MMAB: variants seen among roughly 807,000 people sequenced by gnomAD.
MMAB encodes the protein metabolism of cobalamin associated B.
Under a neutral mutation model 30.6 loss-of-function variants are expected in MMAB, and 17 were observed. The ratio of observed to expected loss-of-function variants is 0.56; its 90% CI spans 0.38 to 0.83. The LOEUF (loss-of-function observed/expected upper bound fraction) is 0.83, where lower values mean the gene tolerates loss of function less well. Among genes scored for constraint, MMAB ranks in the 40% least tolerant of loss-of-function variants. MMAB has a pLI of 0.00. For synonymous variants in MMAB, 134 were observed against 138.6 expected, an observed-to-expected ratio of 0.97 and a Z score of 0.23; for missense variants, 311 against 331.6, an observed-to-expected ratio of 0.94 and a Z score of 0.48.
At chr12:109,559,197 C>A in intron 7 of MMAB, 42 bp from the exon 8 acceptor site, 1 of 1,459,458 alleles carries the variant, frequency 6.9e-7, no homozygotes, top group Non-Finnish European at 9.6e-7. Context: ...CATTATGGGG[C>A]TCAACAGGCT....
rs577697260 is a variant in MMAB at position 109,557,239 on chromosome 12, C to T, written c.645-103G>A. 4.5e-4 allele frequency: 373 copies of T among 838,008 alleles called. 1 individual carries two copies. In the African/African-American group the frequency reaches 5.2e-3, roughly 12 times the overall value. 51.9% of individuals were successfully genotyped at this position (838,008 alleles called of 1,614,324 possible). A position where few individuals can be genotyped will look rare whatever the true frequency, so the allele number is the denominator to read the frequency against. On this transcript the variant is annotated intron_variant, in intron 8 of 8. Coordinates refer to ENST00000545712, the MANE Select transcript of MMAB (RefSeq NM_052845.4). ...GCCTACAAGGAGGAGATATAAATGA[C>T]GCACTCTGGGCACATTGTGCAGGGA...
At chr12:109,557,228 G>T in intron 8 of MMAB, 92 bp from the exon 9 acceptor site, 2 of 900,864 alleles carry the variant, frequency 2.2e-6, no homozygotes, top group Admixed American at 1.8e-5. Context: ...ACAAGGAGGA[G>T]ATATAAATGA....
At chr12:109,562,538 A>G (rs1314157188) in intron 4 of MMAB, among the ~76,000 whole-genome samples, 1 of 152,208 alleles carries the variant, frequency 6.6e-6, no homozygotes, top group Non-Finnish European at 1.5e-5. Flanking sequence ...AGCAGATGAC[A>G]CGCATCACAC....
chr12:109,568,169 C>T (rs1884503398), intron 3 of MMAB: 1 of 158,266 alleles, frequency 6.3e-6, no homozygotes, highest in Non-Finnish European at 1.4e-5. Context: ...TTCCCTCTGC[C>T]ACAATGACTG....
At chr12:109,566,756 A>G (rs562478302) in intron 3 of MMAB, among the ~76,000 whole-genome samples, 20 of 152,336 alleles carry the variant, frequency 1.3e-4, no homozygotes, top group Non-Finnish European at 2.2e-4. Context: ...TGCTTGGTCA[A>G]TATCTGACCA....
At chr12:109,573,235 A>C in intron 1 of MMAB, 112 bp downstream of exon 1, 9 of 1,412,584 alleles carry the variant, frequency 6.4e-6, no homozygotes, top group Non-Finnish European at 7.9e-6. Flanking sequence ...AACAGCGTGG[A>C]GACGTCACCT....
intron 4 of MMAB, among the ~76,000 whole-genome samples, chr12:109,564,400 T>TA (rs1385356747): frequency 2.0e-5 from 3 of 150,104 alleles, no homozygotes; most frequent in African/African-American, 7.4e-5. Flanking sequence ...TTTTTTTTTT[T>TA]AAAGACAGGA....
In MMAB at chr12:109,561,254, C is replaced by T; in HGVS notation, c.520-150G>A. ...CACGGCACACCCACCGGGCACGCTG[C>T]TCCAGAGTGGGCAGGGCTGGGAGGG... On this transcript the variant is annotated intron_variant, in intron 6 of 8. Coordinates refer to ENST00000545712, the MANE Select transcript of MMAB (RefSeq NM_052845.4). This position sits in a 1 kb window ranked among gnomAD's most constrained non-coding sequence, Gnocchi z 5.3. 6 of 1,588,816 alleles carry T rather than the reference C, an allele frequency of 3.8e-6. No homozygotes were observed. Among genetic ancestry groups the T allele is most frequent in the Non-Finnish European group, 5.1e-6 (6 of 1,175,180 alleles).
In MMAB at chr12:109,556,726, C is replaced by T. The variant is rs764948558; in HGVS notation, c.*302G>A. ...GCCTTTCCAACTTTTATTCCTTTTC[C>T]GCACAGCTCCTTCTCATTGCAGCAA... On this transcript the variant is annotated 3_prime_UTR_variant, in exon 9 of 9. Coordinates refer to ENST00000545712, the MANE Select transcript of MMAB (RefSeq NM_052845.4). 29 of 509,656 alleles carry T rather than the reference C, an allele frequency of 5.7e-5. No homozygotes were observed. The highest frequency in any genetic ancestry group is 2.1e-4 in the East Asian group (4 of 19,262). 31.6% of individuals were successfully genotyped at this position (509,656 alleles called of 1,614,324 possible).
At position 109,557,046 on chromosome 12, in the gene MMAB, G is replaced by A. The variant is rs377015836; in HGVS notation, c.735C>T (p.Ala245=). 1.2e-5 allele frequency: 20 copies of A among 1,611,212 alleles called. No individual in the cohort carries two copies. The East Asian group carries it at 2.5e-4, about 20-fold the overall frequency. ...EKIYMKNDPS[A]ESEGL Reference sequence around the variant, plus strand: ...TGTGATTTCAGAGTCCCTCAGACTCGGCCGATGGGTCATTTTTCATGTATA... The same window carrying A: ...TGTGATTTCAGAGTCCCTCAGACTCAGCCGATGGGTCATTTTTCATGTATA... The change falls in exon 9 of 9, where the codon GCC becomes GCT. Residue 245 remains alanine (A), a synonymous_variant. Transcript: ENST00000545712.
chr12:109,561,066 C>G lies in MMAB; in HGVS notation c.558G>C (p.Arg186=), dbSNP rs765074659. 1 of 1,610,992 alleles carries G rather than the reference C, an allele frequency of 6.2e-7. No individual in the cohort carries two copies. The highest frequency in any genetic ancestry group is 8.5e-7 in the Non-Finnish European group (1 of 1,179,956). Residue 186 remains arginine (R), a synonymous_variant, in exon 7 of 9, where the codon CGG becomes CGC. Coordinates refer to ENST00000545712, the MANE Select transcript of MMAB (RefSeq NM_052845.4). This position sits in a 1 kb window ranked among gnomAD's most constrained non-coding sequence, Gnocchi z 5.3. ...GKISSALHFC[R]AVCRRAERRV... is the part of the protein sequence containing the mutation. Reference sequence around the variant, plus strand: ...GTCTCTCGGCCCGGCGGCACACGGCCCGGCAGAAATGCAGCGCCGAGCTGA... The same window carrying G: ...GTCTCTCGGCCCGGCGGCACACGGCGCGGCAGAAATGCAGCGCCGAGCTGA...
intron 1 of MMAB, among the ~76,000 whole-genome samples, chr12:109,572,827 G>A (rs931361490): frequency 3.9e-5 from 6 of 152,294 alleles, no homozygotes; most frequent in African/African-American, 1.4e-4. Context: ...CCAAAATACA[G>A]CTCAAAAAGT....
chr12:109,554,357 A>G lies in MMAB; in HGVS notation c.*2671T>C. 1 of 454,100 alleles carries G rather than the reference A, an allele frequency of 2.2e-6. No individual in the cohort carries two copies. The highest frequency in any genetic ancestry group is 4.4e-6 in the Non-Finnish European group (1 of 226,790). The allele number at this position is 454,100 out of a possible 1,614,324, so 28.1% of individuals were successfully genotyped here. On this transcript the variant is annotated 3_prime_UTR_variant, in exon 9 of 9. Transcript: ENST00000545712. Reference sequence around the variant, plus strand: ...GCCAACTGCCAGCTTGTCTCTGGAAATGACACTAAACACCCCATTCCAGGG... The same window carrying G: ...GCCAACTGCCAGCTTGTCTCTGGAAGTGACACTAAACACCCCATTCCAGGG...
intron 7 of MMAB, among the ~76,000 whole-genome samples, chr12:109,559,606 A>C (rs1291190996): frequency 6.6e-6 from 1 of 152,264 alleles, no homozygotes; most frequent in Non-Finnish European, 1.5e-5. Flanking sequence ...ACCCAGGCAG[A>C]CCAAGCTCCT....
Position 109,554,166 on chromosome 12 carries a change from C to T in MMAB, c.*2862G>A, listed in dbSNP as rs551062793. On this transcript the variant is annotated 3_prime_UTR_variant, in exon 9 of 9. Coordinates refer to ENST00000545712, the MANE Select transcript of MMAB (RefSeq NM_052845.4). The stretch of plus-strand genomic sequence containing the variant: ...CGGGGCTCACATCTTGGCACTGACT[C>T]CCCAGGACAACTTGGTTCCCCACCC... 4.4e-6 allele frequency: 2 copies of T among 453,382 alleles called. No homozygotes were observed. Among genetic ancestry groups the T allele is most frequent in the South Asian group, 3.1e-5 (2 of 64,466 alleles). 28.1% of individuals were successfully genotyped at this position (453,382 alleles called of 1,614,324 possible).
At chr12:109,568,926 T>C in intron 2 of MMAB, 63 bp from the exon 3 acceptor site, 1 of 1,216,398 alleles carries the variant, frequency 8.2e-7, no homozygotes, top group South Asian at 1.2e-5. Context: ...GCTGTTTTTT[T>C]TTTTTTAAAC....
At chr12:109,566,986 C>G (rs1566135587) in intron 3 of MMAB, 1 of 456,062 alleles carries the variant, frequency 2.2e-6, no homozygotes, top group East Asian at 7.0e-5. Flanking sequence ...TCTGTACCTC[C>G]CATTATCTGT....
rs760645210 is a variant in MMAB at position 109,571,679 on chromosome 12, G to A, written c.166C>T (p.Pro56Ser). ...PQPSSKTPRI[P>S]KIYTKTGDKG... ...TCTCCCGTTTTGGTGTAAATCTTGG[G>A]GATCCTGGGTGTCTTCGAGGAAGGC... Residue 56 changes from proline (P) to serine (S), a missense_variant, in exon 2 of 9, where the codon CCC (proline) becomes TCC (serine). Coordinates refer to ENST00000545712, the MANE Select transcript of MMAB (RefSeq NM_052845.4). 30 of 1,613,960 alleles carry A rather than the reference G, an allele frequency of 1.9e-5. No individual in the cohort carries two copies. The highest frequency in any genetic ancestry group is 2.4e-5 in the Non-Finnish European group (28 of 1,180,012).
chr12:109,555,879 G>T lies in MMAB; in HGVS notation c.*1149C>A, dbSNP rs970209056. ...GACTTGCCAGCAAGAAAGATGGCCG[G>T]AAAGACCAGCTGTCCCGAGCCTAGC... On this transcript the variant is annotated 3_prime_UTR_variant, in exon 9 of 9. Transcript: ENST00000545712. 4.4e-6 allele frequency: 2 copies of T among 454,104 alleles called. No homozygotes were observed. Among genetic ancestry groups the T allele is most frequent in the East Asian group, 1.4e-4 (2 of 14,402 alleles). The allele number at this position is 454,104 out of a possible 1,614,324, so 28.1% of individuals were successfully genotyped here.
Sources: allele counts gnomAD v4.1 joint callset (sites outside exome capture counted in the v4.1 genomes callset), GRCh38; gene constraint gnomAD v4.1.1; non-coding constraint Gnocchi (gnomAD v3.1); transcripts MANE v1.5; gene names NCBI Gene and HGNC (gene_info 2026-07-23, HGNC 2026-07-21).